PTPRM: variants seen among roughly 807,000 people sequenced by gnomAD.
PTPRM encodes the protein protein tyrosine phosphatase receptor type M, also known as receptor-type tyrosine-protein phosphatase mu.
A neutral mutation model predicts 186.7 loss-of-function variants in PTPRM; 47 were observed. The ratio of observed to expected loss-of-function variants is 0.25; its 90% CI spans 0.20 to 0.32. The LOEUF is 0.32. Among genes scored for constraint, PTPRM ranks in the 10% least tolerant of loss-of-function variants. PTPRM has a pLI of 1.00. For synonymous variants in PTPRM, 668 were observed against 674.9 expected, an observed-to-expected ratio of 0.99 and a Z score of 0.16; for missense variants, 1,494 against 1,865.0, an observed-to-expected ratio of 0.80 and a Z score of 3.66.
intron 7 of PTPRM, among the ~76,000 whole-genome samples, chr18:7,977,850 C>G (rs904955124): frequency 6.6e-6 from 1 of 152,200 alleles, no homozygotes; most frequent in Non-Finnish European, 1.5e-5. Flanking sequence ...ATCCATGAAA[C>G]AGTGGCAGGC....
chr18:8,038,124 G>A (rs879273803), intron 7 of PTPRM, among the ~76,000 whole-genome samples: 1 of 152,068 alleles, frequency 6.6e-6, no homozygotes. Flanking sequence ...TACTACTTGT[G>A]AATCTTTTAG....
At chr18:8,189,121 C>T (rs2093677815) in intron 14 of PTPRM, among the ~76,000 whole-genome samples, 1 of 151,884 alleles carries the variant, frequency 6.6e-6, no homozygotes, top group East Asian at 1.9e-4. Context: ...GGCAATATGA[C>T]AAGACCCCAT....
intron 15 of PTPRM, among the ~76,000 whole-genome samples, chr18:8,245,128 A>G (rs993698449): frequency 5.3e-5 from 8 of 152,166 alleles, no homozygotes; most frequent in Non-Finnish European, 1.0e-4. Flanking sequence ...GTGTGGGCTC[A>G]TGTCCTAATA....
chr18:8,022,878 A>T (rs1323717230), intron 7 of PTPRM, among the ~76,000 whole-genome samples: 3 of 152,202 alleles, frequency 2.0e-5, no homozygotes, highest in Admixed American at 6.6e-5. Context: ...TTTGGCAAAC[A>T]TTTGGAATAG....
intron 1 of PTPRM, among the ~76,000 whole-genome samples, chr18:7,569,588 G>T (rs1050432018): frequency 2.6e-5 from 4 of 152,106 alleles, no homozygotes; most frequent in Admixed American, 6.5e-5. Flanking sequence ...TCCCTTCTTG[G>T]GATTTGTTTA....
At chr18:8,375,448 G>A (rs1023326583) in intron 24 of PTPRM, among the ~76,000 whole-genome samples, 6 of 151,906 alleles carry the variant, frequency 3.9e-5, no homozygotes, top group Admixed American at 6.6e-5. Context: ...ACATTAAAAA[G>A]AGAAACCTAA....
chr18:7,824,075 TC>T (rs895030870), intron 2 of PTPRM, among the ~76,000 whole-genome samples: 2 of 152,116 alleles, frequency 1.3e-5, no homozygotes, highest in African/African-American at 4.8e-5. Flanking sequence ...ATATCTTCCA[TC>T]CCCACTCCTA....
rs554180431 is a variant in PTPRM, at chr18:8,133,678, G to T, written c.2168-9969G>T. On this transcript the variant is annotated intron_variant, in intron 13 of 32. Transcript: ENST00000580170. The stretch of plus-strand genomic sequence containing the variant: ...AGGCCTTGGGAAGGGAAATATTGAG[G>T]GTTTGGGGAAACTGGGCATTTCCGT... 3.0e-4 allele frequency among the ~76,000 whole-genome samples: 46 copies of T among 152,148 alleles called. 1 individual carries two copies. In the South Asian group the frequency reaches 9.6e-3, roughly 32 times the overall value.
intron 19 of PTPRM, among the ~76,000 whole-genome samples, chr18:8,260,683 G>A (rs556297854): frequency 6.6e-6 from 1 of 152,270 alleles, no homozygotes; most frequent in African/African-American, 2.4e-5. Flanking sequence ...CATAGCACCA[G>A]CATATCCTAC....
At chr18:7,890,516 T>G (rs2049017671) in intron 3 of PTPRM, among the ~76,000 whole-genome samples, 1 of 151,068 alleles carries the variant, frequency 6.6e-6, no homozygotes, top group Non-Finnish European at 1.5e-5. Flanking sequence ...GTAAATGTGT[T>G]GTTTTTTTTT....
At chr18:7,806,049 G>T (rs181803943) in intron 2 of PTPRM, among the ~76,000 whole-genome samples, 8 of 152,328 alleles carry the variant, frequency 5.3e-5, no homozygotes, top group African/African-American at 1.7e-4. Flanking sequence ...AGCAGAGGCT[G>T]CAGGCTGCCA....
intron 1 of PTPRM, among the ~76,000 whole-genome samples, chr18:7,699,119 C>T (rs2039905259): frequency 1.3e-5 from 2 of 152,070 alleles, no homozygotes; most frequent in Non-Finnish European, 1.5e-5. Context: ...TTGTGAACTG[C>T]GCATATGAGG....
intron 7 of PTPRM, among the ~76,000 whole-genome samples, chr18:7,983,704 T>C (rs1057129128): frequency 6.6e-6 from 1 of 152,150 alleles, no homozygotes; most frequent in Non-Finnish European, 1.5e-5. Flanking sequence ...TACTTTCTAC[T>C]TGCAACATAT....
intron 1 of PTPRM, among the ~76,000 whole-genome samples, chr18:7,715,039 G>T (rs1198233560): frequency 6.6e-6 from 1 of 152,100 alleles, no homozygotes; most frequent in Non-Finnish European, 1.5e-5. Context: ...CCAAAATCTG[G>T]CAGAGACACA....
chr18:7,972,219 C>G (rs2054572375), intron 7 of PTPRM, among the ~76,000 whole-genome samples: 1 of 132,570 alleles, frequency 7.5e-6, no homozygotes, highest in Non-Finnish European at 1.5e-5. Flanking sequence ...GAAGAAAAAA[C>G]CAAACACCGC....
chr18:8,244,385 C>G (rs1162452649), intron 15 of PTPRM, among the ~76,000 whole-genome samples, 176 bp downstream of exon 15: 1 of 151,868 alleles, frequency 6.6e-6, no homozygotes, highest in African/African-American at 2.4e-5. Flanking sequence ...CAGAGATGTT[C>G]TAAAGGTGAT....
chr18:7,575,002 A>C (rs2036653082), intron 1 of PTPRM, among the ~76,000 whole-genome samples: 1 of 152,238 alleles, frequency 6.6e-6, no homozygotes, highest in Non-Finnish European at 1.5e-5. Context: ...ACTGCACTCC[A>C]GTCTGGGCGA....
At chr18:8,116,549 A>T (rs923916793) in intron 13 of PTPRM, among the ~76,000 whole-genome samples, 1 of 152,156 alleles carries the variant, frequency 6.6e-6, no homozygotes, top group African/African-American at 2.4e-5. Context: ...CTGGCCAGTG[A>T]CAGTATTGTG....
Position 7,713,120 on chromosome 18 carries a change from G to A in PTPRM, c.74-61029G>A, listed in dbSNP as rs1568046713. ...ATAAAATGTTAAGGGAAGCCAGAGAGAAAGGTTGCATTACCCACAAAGGGA... is the reference window on the plus strand; with the variant it reads ...ATAAAATGTTAAGGGAAGCCAGAGAAAAAGGTTGCATTACCCACAAAGGGA... On this transcript the variant is annotated intron_variant, in intron 1 of 32. Transcript: ENST00000580170. Among the ~76,000 whole-genome samples, 5 of 152,280 alleles carry A rather than the reference G, an allele frequency of 3.3e-5. No homozygotes were observed. The South Asian group carries it at 8.3e-4, about 25-fold the overall frequency.
Sources: gnomAD v4.1 joint callset for allele counts (sites outside exome capture counted in the v4.1 genomes callset) on GRCh38, gnomAD v4.1.1 for gene constraint, MANE v1.5 for transcripts, NCBI Gene and HGNC (gene_info 2026-07-23, HGNC 2026-07-21) for gene names.